GRID1: variants seen among roughly 807,000 people sequenced by gnomAD.
GRID1 encodes the protein glutamate receptor ionotropic, delta-1.
A neutral mutation model predicts 98.0 loss-of-function variants in GRID1; 28 were observed. That is an observed-to-expected ratio of 0.29 (90% CI 0.21 to 0.39). The LOEUF (loss-of-function observed/expected upper bound fraction) is 0.39. Ranked by LOEUF, GRID1 falls within the 10% of genes least tolerant of loss-of-function variation. The pLI, the probability that GRID1 is intolerant of heterozygous loss-of-function variation, is 1.00. For missense variants in GRID1, 1,111 were observed against 1,340.5 expected (o/e 0.83, Z 2.67); for synonymous variants, 553 against 538.5 (o/e 1.03, Z -0.37).
rs1006889097 is a variant in GRID1, at chr10:85,781,932, C to T, written c.1234-52318G>A. Among the ~76,000 whole-genome samples, 4 of 152,112 alleles carry T rather than the reference C, an allele frequency of 2.6e-5. No individual in the cohort carries two copies. The South Asian group carries it at 8.3e-4, about 32-fold the overall frequency. On this transcript the variant is annotated intron_variant, in intron 8 of 15. Transcript: ENST00000327946. ...AATCACTAGGCCCTGACAAGCTCTT[C>T]CAGACCTCAATGGTTATTTAGGAGG... is the stretch of plus-strand genomic sequence containing the variant.
chr10:85,767,214 A>G (rs1842206731), intron 8 of GRID1, among the ~76,000 whole-genome samples: 1 of 152,196 alleles, frequency 6.6e-6, no homozygotes, highest in Non-Finnish European at 1.5e-5. Flanking sequence ...CCGCTAGGAA[A>G]TGTAGAGCCA....
chr10:85,608,312 T>C (rs1274947538), intron 15 of GRID1, among the ~76,000 whole-genome samples: 1 of 152,148 alleles, frequency 6.6e-6, no homozygotes, highest in African/African-American at 2.4e-5. Context: ...GCAGTCCAGA[T>C]CTCCCTAATA....
At chr10:85,839,040 G>C (rs899940415) in intron 8 of GRID1, among the ~76,000 whole-genome samples, 3 of 152,252 alleles carry the variant, frequency 2.0e-5, no homozygotes, top group Admixed American at 2.0e-4. Context: ...GATAAAAAAA[G>C]ACAAAGAAGT....
chr10:86,113,525 A>T (rs546769507), intron 4 of GRID1, among the ~76,000 whole-genome samples: 1 of 152,220 alleles, frequency 6.6e-6, no homozygotes, highest in Admixed American at 6.5e-5. Context: ...GTCTCATTAC[A>T]TGGTTCTGTT....
At chr10:86,327,721 T>C (rs540638036) in intron 2 of GRID1, among the ~76,000 whole-genome samples, 117 of 152,308 alleles carry the variant, frequency 7.7e-4, no homozygotes, top group African/African-American at 2.7e-3. Context: ...AACAATGAGG[T>C]ACCGCCTATC....
intron 4 of GRID1, among the ~76,000 whole-genome samples, chr10:86,083,337 C>T (rs1844004292): frequency 1.3e-5 from 2 of 152,156 alleles, no homozygotes; most frequent in Non-Finnish European, 2.9e-5. Flanking sequence ...TCCATGCCAT[C>T]GTTTCCATCT....
intron 4 of GRID1, among the ~76,000 whole-genome samples, chr10:86,095,661 A>G (rs1315615394): frequency 3.3e-5 from 5 of 152,216 alleles, no homozygotes; most frequent in Non-Finnish European, 7.3e-5. Flanking sequence ...ACAATGCAAT[A>G]CCACCTTACT....
intron 3 of GRID1, among the ~76,000 whole-genome samples, chr10:86,151,188 G>A (rs1053479427): frequency 7.9e-5 from 12 of 152,186 alleles, no homozygotes; most frequent in South Asian, 2.1e-4. Flanking sequence ...CTGAAGGCAC[G>A]TGGGAAGGGA....
intron 4 of GRID1, among the ~76,000 whole-genome samples, chr10:86,105,925 CA>C (rs1338776993): frequency 6.6e-6 from 1 of 152,050 alleles, no homozygotes; most frequent in Non-Finnish European, 1.5e-5. Context: ...GCATGGTATG[CA>C]AGGGGGACAA....
intron 8 of GRID1, among the ~76,000 whole-genome samples, chr10:85,837,551 C>T (rs764142017): frequency 6.6e-6 from 1 of 152,020 alleles, no homozygotes; most frequent in Non-Finnish European, 1.5e-5. Flanking sequence ...GCACTGGCCC[C>T]TGAAAATCTC....
intron 12 of GRID1, among the ~76,000 whole-genome samples, chr10:85,665,394 G>A (rs2132575576): frequency 6.6e-6 from 1 of 152,228 alleles, no homozygotes; most frequent in African/African-American, 2.4e-5. Flanking sequence ...ATTAAAGCAT[G>A]GGATCCTAAT....
chr10:86,308,800 G>C (rs1034095408), intron 2 of GRID1, among the ~76,000 whole-genome samples: 3 of 152,098 alleles, frequency 2.0e-5, no homozygotes, highest in African/African-American at 7.2e-5. Flanking sequence ...ACAAGGGCAG[G>C]AGAGCACGAG....
chr10:86,355,393 T>C (rs940904238), intron 2 of GRID1, among the ~76,000 whole-genome samples: 2 of 152,244 alleles, frequency 1.3e-5, no homozygotes, highest in Non-Finnish European at 2.9e-5. Context: ...CTGCCTCATC[T>C]AGGGTCTGTT....
chr10:86,348,315 T>G (rs576976807), intron 2 of GRID1, among the ~76,000 whole-genome samples: 1 of 152,206 alleles, frequency 6.6e-6, no homozygotes, highest in South Asian at 2.1e-4. Flanking sequence ...AAAGATACAA[T>G]GAATGGCATG....
At chr10:86,040,805 C>T (rs911366485) in intron 4 of GRID1, among the ~76,000 whole-genome samples, 25 of 152,152 alleles carry the variant, frequency 1.6e-4, no homozygotes, top group African/African-American at 6.0e-4. Flanking sequence ...CTAATTACCC[C>T]GATCTGATAA....
chr10:85,971,889 A>T (rs1842412963), intron 4 of GRID1, among the ~76,000 whole-genome samples: 1 of 152,172 alleles, frequency 6.6e-6, no homozygotes. Flanking sequence ...AGACAAGAAC[A>T]AGAATAAAAC....
Position 86,274,037 on chromosome 10 carries a change from T to C in GRID1, c.236-67389A>G, listed in dbSNP as rs189170885. Among the ~76,000 whole-genome samples the C allele has an allele frequency of 7.3e-3, 1,119 of 152,340 alleles. 12 individuals carry two copies. The highest frequency in any genetic ancestry group is 0.024 in the African/African-American group (1,001 of 41,572). On this transcript the variant is annotated intron_variant, in intron 2 of 15. Transcript: ENST00000327946. ...CCTAGGTTTTCTTCTAGGGTTTTTA[T>C]GGTTGTAGGTCTAATGTTTAAGTAT... is the stretch of plus-strand genomic sequence containing the variant.
intron 5 of GRID1, among the ~76,000 whole-genome samples, chr10:85,912,820 C>G (rs1841559296): frequency 1.3e-5 from 2 of 152,200 alleles, no homozygotes; most frequent in African/African-American, 4.8e-5. Context: ...TTATTTTCCC[C>G]CTTATTTTAT....
At chr10:85,721,339 T>C (rs964761003) in intron 12 of GRID1, among the ~76,000 whole-genome samples, 5 of 152,228 alleles carry the variant, frequency 3.3e-5, no homozygotes, top group Non-Finnish European at 7.3e-5. Context: ...AATTGCACTC[T>C]TGGGTGTTTA....
Sources: allele counts gnomAD v4.1 joint callset (sites outside exome capture counted in the v4.1 genomes callset), GRCh38; gene constraint gnomAD v4.1.1; transcripts MANE v1.5; gene names NCBI Gene and HGNC (gene_info 2026-07-23, HGNC 2026-07-21).